The following JAKMIP1 variants were observed in gnomAD, a reference collection of about 807,000 sequenced individuals.
JAKMIP1 encodes the protein janus kinase and microtubule-interacting protein 1.
A neutral mutation model predicts 113.0 loss-of-function variants in JAKMIP1; 33 were observed. The ratio of observed to expected loss-of-function variants is 0.29; its 90% confidence interval spans 0.22 to 0.39. The LOEUF is 0.39. JAKMIP1 is among the 10% of genes least tolerant of loss of function. The pLI, the probability that JAKMIP1 is intolerant of heterozygous loss-of-function variation, is 1.00. For missense variants in JAKMIP1, 813 were observed against 1,080.5 expected (o/e 0.75, Z 3.47); for synonymous variants, 480 against 459.9 (o/e 1.04, Z -0.56).
intron 1 of JAKMIP1, among the ~76,000 whole-genome samples, chr4:6,113,995 C>T (rs967437926): frequency 4.6e-5 from 7 of 152,192 alleles, no homozygotes; most frequent in Non-Finnish European, 8.8e-5. Flanking sequence ...GGGCCTGTGA[C>T]GGGAGCTGGG....
At chr4:6,172,680 G>A (rs1455965216) in intron 1 of JAKMIP1, among the ~76,000 whole-genome samples, 1 of 152,214 alleles carries the variant, frequency 6.6e-6, no homozygotes, top group African/African-American at 2.4e-5. Flanking sequence ...GGTGCTCAGG[G>A]CCCTAGGACT....
At chr4:6,079,745 A>T (rs1360387935) in intron 7 of JAKMIP1, among the ~76,000 whole-genome samples, 1 of 152,202 alleles carries the variant, frequency 6.6e-6, no homozygotes, top group Non-Finnish European at 1.5e-5. Context: ...TGGTCTGGTT[A>T]TAAGGTTCAA....
chr4:6,078,853 TA>T, intron 8 of JAKMIP1, 85 bp downstream of exon 8: 1 of 1,361,920 alleles, frequency 7.3e-7, no homozygotes, highest in Non-Finnish European at 1.1e-6. Flanking sequence ...GACCCCTCTG[TA>T]AAACCTCCCC....
rs935154370 is a variant in JAKMIP1 at position 6,046,741 on chromosome 4, G to A, written c.2028+2116C>T. ...ATCTCACAGATGCCCAGAGGATGAG[G>A]AGCGCTGGGGACCTAAGGTGCAGGC... On this transcript the variant is annotated intron_variant, in intron 16 of 20. Coordinates refer to ENST00000409021, the MANE Select transcript of JAKMIP1 (RefSeq NM_001099433.2). 5.3e-5 allele frequency among the ~76,000 whole-genome samples: 8 copies of A among 152,342 alleles called. No individual in the cohort carries two copies. In the East Asian group the frequency reaches 1.4e-3, roughly 26 times the overall value.
chr4:6,075,689 A>C (rs1358476602), intron 8 of JAKMIP1, among the ~76,000 whole-genome samples: 1 of 152,200 alleles, frequency 6.6e-6, no homozygotes, highest in Non-Finnish European at 1.5e-5. Flanking sequence ...TTTCCAGTAA[A>C]GGCAATTCGC....
At chr4:6,126,621 C>T (rs1191631209) in intron 1 of JAKMIP1, among the ~76,000 whole-genome samples, 1 of 150,704 alleles carries the variant, frequency 6.6e-6, no homozygotes, top group Non-Finnish European at 1.5e-5. Flanking sequence ...CAGAAACACA[C>T]ACACACACAA....
chr4:6,054,737 C>T, intron 12 of JAKMIP1: 1 of 456,730 alleles, frequency 2.2e-6, no homozygotes, highest in South Asian at 1.5e-5. Flanking sequence ...GCCCACTACT[C>T]CAGCCCTCAC....
chr4:6,069,257 T>C lies in JAKMIP1; in HGVS notation c.1303-4249A>G, dbSNP rs1158318182. Among the ~76,000 whole-genome samples the C allele has an allele frequency of 1.3e-5, 2 of 152,208 alleles. No homozygotes were observed. The highest frequency in any genetic ancestry group is 2.9e-5 in the Non-Finnish European group (2 of 68,048). On this transcript the variant is annotated intron_variant, in intron 8 of 20. Coordinates refer to ENST00000409021, the MANE Select transcript of JAKMIP1 (RefSeq NM_001099433.2). This position sits in a 1 kb window ranked among gnomAD's most constrained non-coding sequence, Gnocchi z 4.5. ...ATGGCAAACATGAAAGAAACTTCAT[T>C]TTTTTGTGTCTCCACTCTTCTAAGA...
Position 6,044,011 on chromosome 4 carries a change from C to T in JAKMIP1, c.2029-1784G>A, listed in dbSNP as rs1161822506. ...TTTCCATGTGCTGTCCCTACCTCTC[C>T]TGGCCCCAGCCTCAGCCCCAGGCCT... On this transcript the variant is annotated intron_variant, in intron 16 of 20. Transcript: ENST00000409021. This position sits in a 1 kb window ranked among gnomAD's most constrained non-coding sequence, Gnocchi z 4.4. 6.6e-6 allele frequency among the ~76,000 whole-genome samples: 1 copy of T among 152,076 alleles called. No individual in the cohort carries two copies. Among genetic ancestry groups the T allele is most frequent in the African/African-American group, 2.4e-5 (1 of 41,418 alleles).
At chr4:6,174,531 T>C (rs569095360) in intron 1 of JAKMIP1, among the ~76,000 whole-genome samples, 1 of 152,282 alleles carries the variant, frequency 6.6e-6, no homozygotes, top group South Asian at 2.1e-4. Context: ...GCTGGCCACA[T>C]GCACCAGAGC....
chr4:6,168,985 G>A lies in JAKMIP1; in HGVS notation c.-148+31268C>T, dbSNP rs1054946344. Reference sequence around the variant, plus strand: ...GGGTCACGTGAAAGGAAGAGTTGGTGGTGGGGACTGTTAATAGGCATTGGA... The same window carrying A: ...GGGTCACGTGAAAGGAAGAGTTGGTAGTGGGGACTGTTAATAGGCATTGGA... On this transcript the variant is annotated intron_variant, in intron 1 of 20. Coordinates refer to ENST00000409021, the MANE Select transcript of JAKMIP1 (RefSeq NM_001099433.2). The surrounding 1 kb of genome is among the most constrained non-coding windows in gnomAD (Gnocchi z 4.6). Among the ~76,000 whole-genome samples, 1 of 152,208 alleles carries A rather than the reference G, an allele frequency of 6.6e-6. No homozygotes were observed. The highest frequency in any genetic ancestry group is 3.4e-3 in the Middle Eastern group (1 of 294).
rs887860264 is a variant in JAKMIP1 at position 6,183,975 on chromosome 4, C to T, written c.-148+16278G>A. Among the ~76,000 whole-genome samples the T allele has an allele frequency of 6.6e-6, 1 of 152,228 alleles. No individual in the cohort carries two copies. On this transcript the variant is annotated intron_variant, in intron 1 of 20. Transcript: ENST00000409021. This position sits in a 1 kb window ranked among gnomAD's most constrained non-coding sequence, Gnocchi z 5.3. ...ACAGCTGTTCAGATTGCAACTGTCA[C>T]CCTATACTTTTCGTTTTGAAAGTTG...
rs934020693 is a variant in JAKMIP1, at chr4:6,184,544, G to A, written c.-148+15709C>T. Among the ~76,000 whole-genome samples, 1 of 152,204 alleles carries A rather than the reference G, an allele frequency of 6.6e-6. No homozygotes were observed. Among genetic ancestry groups the A allele is most frequent in the African/African-American group, 2.4e-5 (1 of 41,456 alleles). On this transcript the variant is annotated intron_variant, in intron 1 of 20. Transcript: ENST00000409021. The surrounding 1 kb of genome is among the most constrained non-coding windows in gnomAD (Gnocchi z 4.5). ...AAGCCAAGCACACCCTCCACCCTGA[G>A]CGCCAGTGTGGGATGGGTGCTATAT...
intron 1 of JAKMIP1, among the ~76,000 whole-genome samples, chr4:6,117,267 G>T (rs1056491762): frequency 7.9e-5 from 12 of 152,174 alleles, no homozygotes; most frequent in Non-Finnish European, 1.5e-4. Flanking sequence ...GCGTCGACTG[G>T]CTTGAGAAAT....
In JAKMIP1 at chr4:6,065,289, G is replaced by A. The variant is rs1458750223; in HGVS notation, c.1303-281C>T. Reference sequence around the variant, plus strand: ...ACCTGTGCAAACCACTTGGCCCCTGGAGCACCAGCCTCCTTCTCTAGCAAA... The same window carrying A: ...ACCTGTGCAAACCACTTGGCCCCTGAAGCACCAGCCTCCTTCTCTAGCAAA... On this transcript the variant is annotated intron_variant, in intron 8 of 20. Transcript: ENST00000409021. This position sits in a 1 kb window ranked among gnomAD's most constrained non-coding sequence, Gnocchi z 5.1. 6.6e-6 allele frequency among the ~76,000 whole-genome samples: 1 copy of A among 152,168 alleles called. No homozygotes were observed. The highest frequency in any genetic ancestry group is 1.5e-5 in the Non-Finnish European group (1 of 68,038).
At chr4:6,037,086 C>A (rs1713579926) in intron 18 of JAKMIP1, among the ~76,000 whole-genome samples, 1 of 149,126 alleles carries the variant, frequency 6.7e-6, no homozygotes, top group African/African-American at 2.5e-5. Context: ...AACCCAGTAG[C>A]CCTCCATCAC....
At chr4:6,152,878 G>C (rs949697388) in intron 1 of JAKMIP1, among the ~76,000 whole-genome samples, 1 of 151,178 alleles carries the variant, frequency 6.6e-6, no homozygotes, top group African/African-American at 2.4e-5. Context: ...GGCTGAGGCA[G>C]GAGAATCACT....
intron 13 of JAKMIP1, among the ~76,000 whole-genome samples, chr4:6,053,085 G>C (rs1475736828): frequency 1.3e-5 from 2 of 152,246 alleles, no homozygotes; most frequent in African/African-American, 4.8e-5. Flanking sequence ...AGAGACAGCA[G>C]AGCTGCGCCA....
intron 18 of JAKMIP1, among the ~76,000 whole-genome samples, chr4:6,038,885 C>T (rs1477280723): frequency 3.3e-5 from 5 of 152,204 alleles, no homozygotes; most frequent in East Asian, 3.9e-4. Context: ...CTGGAAATCC[C>T]GTTGTGGGCC....
Sources: allele counts gnomAD v4.1 joint callset (sites outside exome capture counted in the v4.1 genomes callset), GRCh38; gene constraint gnomAD v4.1.1; non-coding constraint Gnocchi (gnomAD v3.1); transcripts MANE v1.5; gene names NCBI Gene and HGNC (gene_info 2026-07-23, HGNC 2026-07-21).